ATP2C2: variants seen among roughly 807,000 people sequenced by gnomAD.
ATP2C2 encodes calcium-transporting ATPase type 2C member 2.
A neutral mutation model predicts 110.8 loss-of-function variants in ATP2C2; 171 were observed. The observed-to-expected ratio is 1.54, with a 90% CI of 1.36 to 1.75. The LOEUF (loss-of-function observed/expected upper bound fraction) is 1.75, where lower values mean the gene tolerates loss of function less well. Among genes scored for constraint, ATP2C2 ranks in the 40% most tolerant of loss-of-function variants. The pLI is 0.00. For synonymous variants in ATP2C2, 804 were observed against 508.4 expected, an observed-to-expected ratio of 1.58 and a Z score of -7.82; for missense variants, 1,963 against 1,235.0, an observed-to-expected ratio of 1.59 and a Z score of -8.84.
At chr16:84,391,278 A>C (rs550935224) in intron 1 of ATP2C2, among the ~76,000 whole-genome samples, 1 of 152,300 alleles carries the variant, frequency 6.6e-6, no homozygotes, top group African/African-American at 2.4e-5. Flanking sequence ...TGATGTCTAC[A>C]AAGTAACAAG....
At chr16:84,442,278 C>T (rs1216965041) in intron 14 of ATP2C2, among the ~76,000 whole-genome samples, 1 of 152,166 alleles carries the variant, frequency 6.6e-6, no homozygotes, top group Non-Finnish European at 1.5e-5. Context: ...TCGTCACCAC[C>T]CGTGCACCTG....
At position 84,413,291 on chromosome 16, in the gene ATP2C2, G is replaced by A. The variant is rs560891494; in HGVS notation, c.516-2192G>A. Among the ~76,000 whole-genome samples the A allele has an allele frequency of 3.6e-4, 55 of 152,196 alleles. 1 individual carries two copies. The highest frequency in any genetic ancestry group is 1.3e-3 in the African/African-American group (54 of 41,534). On this transcript the variant is annotated intron_variant, in intron 6 of 26. Coordinates refer to ENST00000262429, the MANE Select transcript of ATP2C2 (RefSeq NM_014861.4). ...TTGTGCAACTGAGCCATGGGGCTAG[G>A]GTAGAAAGCCGTAGTGAGATACGGT...
At chr16:84,426,476 C>T (rs1907826253) in intron 11 of ATP2C2, among the ~76,000 whole-genome samples, 1 of 152,086 alleles carries the variant, frequency 6.6e-6, no homozygotes, top group Non-Finnish European at 1.5e-5. Context: ...TTGGGTCTTT[C>T]TGGCTAAGAG....
At chr16:84,461,920 C>T (rs1362911922) in intron 25 of ATP2C2, 68 bp from the exon 26 acceptor site, 1 of 1,607,424 alleles carries the variant, frequency 6.2e-7, no homozygotes, top group East Asian at 2.2e-5. Flanking sequence ...CGTGGGCAGT[C>T]AGAGCTCCCC....
chr16:84,413,076 C>G (rs190885917), intron 6 of ATP2C2, among the ~76,000 whole-genome samples: 1 of 145,186 alleles, frequency 6.9e-6, no homozygotes, highest in Non-Finnish European at 1.5e-5. Context: ...CCAGCCTGTG[C>G]GATAAGAGCG....
chr16:84,395,595 G>A (rs763401658), intron 1 of ATP2C2, among the ~76,000 whole-genome samples: 6 of 151,822 alleles, frequency 4.0e-5, no homozygotes, highest in African/African-American at 7.3e-5. Flanking sequence ...TGCAACCTCC[G>A]CCTTCCAGGT....
intron 2 of ATP2C2, 124 bp downstream of exon 2, chr16:84,398,733 G>C: frequency 1.3e-6 from 1 of 756,866 alleles, no homozygotes; most frequent in Non-Finnish European, 2.0e-6. Flanking sequence ...ATCAAGGTTG[G>C]AAAATATTGT....
In ATP2C2 at chr16:84,452,072, G is replaced by A; in HGVS notation, c.1812G>A (p.Leu604=). 2 of 1,614,024 alleles carry A rather than the reference G, an allele frequency of 1.2e-6. No homozygotes were observed. Among genetic ancestry groups the A allele is most frequent in the Non-Finnish European group, 1.7e-6 (2 of 1,179,952 alleles). ...TGAAGATGATAACGGGGGATGCCCT[G>A]GAGACGGCCTTGGCCATAGGTAACT... ...VSVKMITGDA[L]ETALAIGRNI... Residue 604 remains leucine, a synonymous_variant, in exon 18 of 27, where the codon CTG becomes CTA. Coordinates refer to ENST00000262429, the MANE Select transcript of ATP2C2 (RefSeq NM_014861.4).
intron 18 of ATP2C2, among the ~76,000 whole-genome samples, chr16:84,452,405 C>T (rs1202515705): frequency 2.0e-5 from 3 of 152,100 alleles, no homozygotes; most frequent in African/African-American, 7.2e-5. Context: ...CTGCCTTCTG[C>T]CTCTAGCTGT....
intron 3 of ATP2C2, among the ~76,000 whole-genome samples, chr16:84,406,242 ACTGC>A (rs1905756693): frequency 6.6e-6 from 1 of 152,166 alleles, no homozygotes; most frequent in Non-Finnish European, 1.5e-5. Context: ...GAAAGAAAAA[ACTGC>A]AATTGACATG....
chr16:84,373,815 A>G (rs2151393607), intron 1 of ATP2C2, among the ~76,000 whole-genome samples: 1 of 152,308 alleles, frequency 6.6e-6, no homozygotes, highest in African/African-American at 2.4e-5. Context: ...TAGTGTTTTC[A>G]TTCATCGTAA....
intron 16 of ATP2C2, among the ~76,000 whole-genome samples, chr16:84,446,638 C>T (rs1274932345): frequency 2.6e-5 from 4 of 152,188 alleles, no homozygotes; most frequent in Admixed American, 2.0e-4. Context: ...GTTCTTAAAG[C>T]AGGGTCCCTG....
At chr16:84,383,828 T>G (rs72804660) in intron 1 of ATP2C2, among the ~76,000 whole-genome samples, 32,074 of 145,456 alleles carry the variant, frequency 0.22, 4,506 homozygotes, top group South Asian at 0.35. Flanking sequence ...TCTTACTCTT[T>G]TCACCCGGCT....
chr16:84,462,440 A>G (rs896100558), intron 26 of ATP2C2: 7 of 297,072 alleles, frequency 2.4e-5, no homozygotes, highest in African/African-American at 1.3e-4. Flanking sequence ...AGGAGGGAGC[A>G]AGGCCTGTAC....
intron 26 of ATP2C2, chr16:84,462,489 G>C: frequency 5.0e-6 from 1 of 199,842 alleles, no homozygotes; most frequent in Non-Finnish European, 1.0e-5. Context: ...GCCTGGACTT[G>C]ACCCTGGGGC....
chr16:84,404,764 C>G, intron 2 of ATP2C2: 1 of 361,032 alleles, frequency 2.8e-6, no homozygotes, highest in South Asian at 2.2e-5. Context: ...TGAGGAATCG[C>G]CACACAGTTT....
intron 2 of ATP2C2, among the ~76,000 whole-genome samples, chr16:84,403,785 GC>G (rs1217400567): frequency 6.6e-6 from 1 of 151,962 alleles, no homozygotes; most frequent in Admixed American, 6.6e-5. Flanking sequence ...CCGCCTCCCA[GC>G]TTCAAGCGAT....
At chr16:84,379,088 G>A (rs1014340750) in intron 1 of ATP2C2, among the ~76,000 whole-genome samples, 1 of 151,476 alleles carries the variant, frequency 6.6e-6, no homozygotes, top group Non-Finnish European at 1.5e-5. Flanking sequence ...CAGGAATTAC[G>A]CCCAGCATCC....
Position 84,439,392 on chromosome 16 carries a change from A to G in ATP2C2, c.1112-35A>G, listed in dbSNP as rs770622432. ...GGGTTTCACAAGCCTGAGGATGGCA[A>G]CTTCTCTTCTATAAACTGGTGTTTG... is the stretch of plus-strand genomic sequence containing the variant. On this transcript the variant is annotated intron_variant, in intron 12 of 26. Transcript: ENST00000262429. 3.8e-6 allele frequency: 6 copies of G among 1,575,122 alleles called. No individual in the cohort carries two copies. The South Asian group carries it at 4.5e-5, about 12-fold the overall frequency.
Sources: gnomAD v4.1 joint callset for allele counts (sites outside exome capture counted in the v4.1 genomes callset) on GRCh38, gnomAD v4.1.1 for gene constraint, MANE v1.5 for transcripts, NCBI Gene and HGNC (gene_info 2026-07-23, HGNC 2026-07-21) for gene names.